Variants in ACTR1A observed in about 807,000 individuals in gnomAD.
ACTR1A encodes the protein alpha-centractin.
A neutral mutation model predicts 50.7 loss-of-function variants in ACTR1A; 10 were observed. That is an observed-to-expected ratio of 0.20 (90% CI 0.12 to 0.33). ACTR1A has a LOEUF of 0.33. Among genes scored for constraint, ACTR1A ranks in the 10% least tolerant of loss-of-function variants. ACTR1A has a pLI of 1.00. For synonymous variants in ACTR1A, 177 were observed against 184.2 expected, an observed-to-expected ratio of 0.96 and a Z score of 0.32; for missense variants, 253 against 491.7, an observed-to-expected ratio of 0.51 and a Z score of 4.59.
chr10:102,488,422 G>T lies in ACTR1A; in HGVS notation c.190-147C>A. ...CCTGCTGTCCTTGCCCAGGGCTAAGGGTGGGCACTCATTCTCCAAGGCTAA... is the reference window on the plus strand; with the variant it reads ...CCTGCTGTCCTTGCCCAGGGCTAAGTGTGGGCACTCATTCTCCAAGGCTAA... On this transcript the variant is annotated intron_variant, in intron 3 of 10. Coordinates refer to ENST00000369905, the MANE Select transcript of ACTR1A (RefSeq NM_005736.4). This position sits in a 1 kb window ranked among gnomAD's most constrained non-coding sequence, Gnocchi z 4.4. 5.2e-6 allele frequency: 6 copies of T among 1,156,782 alleles called. No homozygotes were observed. The highest frequency in any genetic ancestry group is 4.9e-6 in the Non-Finnish European group (4 of 821,406). 71.7% of individuals were successfully genotyped at this position (1,156,782 alleles called of 1,614,324 possible).
In ACTR1A at chr10:102,484,364, G is replaced by A. The variant is rs767221422; in HGVS notation, c.453C>T (p.Gly151=). ...AATCCAGCACCACCCCTGTGGTCCT[G>A]CCTGTAGCGTAACTGAAGCAAAGGG... ...MQAVLSLYAT[G]RTTGVVLDSG... is the part of the protein sequence containing the mutation. Residue 151 remains glycine (G), a synonymous_variant, in exon 6 of 11, where the codon GGC becomes GGT. Transcript: ENST00000369905. 4 of 1,613,710 alleles carry A rather than the reference G, an allele frequency of 2.5e-6. No homozygotes were observed. The highest frequency in any genetic ancestry group is 3.4e-6 in the Non-Finnish European group (4 of 1,179,830).
chr10:102,498,344 G>A lies in ACTR1A; in HGVS notation c.48+4256C>T, dbSNP rs922815116. Among the ~76,000 whole-genome samples the A allele has an allele frequency of 2.1e-4, 31 of 150,342 alleles. 1 individual carries two copies. Among genetic ancestry groups the A allele is most frequent in the African/African-American group, 6.6e-4 (27 of 40,980 alleles). ...TCTCTCTTTTTTTTTTTTTAAAGGGGGCTGAAGCAGCACAACATCCAAAGC... is the reference window on the plus strand; with the variant it reads ...TCTCTCTTTTTTTTTTTTTAAAGGGAGCTGAAGCAGCACAACATCCAAAGC... On this transcript the variant is annotated intron_variant, in intron 1 of 10. Transcript: ENST00000369905.
intron 1 of ACTR1A, among the ~76,000 whole-genome samples, chr10:102,496,577 C>G (rs1589965113): frequency 6.6e-6 from 1 of 152,198 alleles, no homozygotes; most frequent in East Asian, 1.9e-4. Context: ...TAAGTCACCT[C>G]TTCTTCACCT....
rs1157584247 is a variant in ACTR1A, at chr10:102,490,686, C to T, written c.49-73G>A. ...AAAAGGAAAAATACATTATATGGTA[C>T]CATTTTTATTTAAGAAAAGAAAGCG... On this transcript the variant is annotated intron_variant, in intron 1 of 10. Coordinates refer to ENST00000369905, the MANE Select transcript of ACTR1A (RefSeq NM_005736.4). The T allele has an allele frequency of 3.1e-6, 4 of 1,277,940 alleles. No homozygotes were observed. In the South Asian group the frequency reaches 4.9e-5, roughly 16 times the overall value. 79.2% of individuals were successfully genotyped at this position (1,277,940 alleles called of 1,614,324 possible).
chr10:102,490,772 C>T (rs540275249), intron 1 of ACTR1A, among the ~76,000 whole-genome samples, 159 bp from the exon 2 acceptor site: 3 of 152,254 alleles, frequency 2.0e-5, no homozygotes, highest in South Asian at 2.1e-4. Context: ...GCAGGCGGAT[C>T]ACTTGAGGTC....
chr10:102,487,554 AT>A (rs1156967463), intron 4 of ACTR1A, among the ~76,000 whole-genome samples: 1 of 152,040 alleles, frequency 6.6e-6, no homozygotes, highest in Admixed American at 6.6e-5. Flanking sequence ...CAGGCTTTGA[AT>A]TCTAAAAGAC....
intron 1 of ACTR1A, among the ~76,000 whole-genome samples, chr10:102,493,001 CAAAAAAAAAAA>C (rs398014648): frequency 8.2e-5 from 4 of 48,930 alleles, no homozygotes; most frequent in African/African-American, 3.8e-4. Context: ...GACTCCACCT[CAAAAAAAAAAA>C]AAAAAAAAAA....
Position 102,482,816 on chromosome 10 carries a change from T to C in ACTR1A, c.750+195A>G. 4 of 589,016 alleles carry C rather than the reference T, an allele frequency of 6.8e-6. No homozygotes were observed. The highest frequency in any genetic ancestry group is 1.2e-5 in the Non-Finnish European group (4 of 330,724). 36.5% of individuals were successfully genotyped at this position (589,016 alleles called of 1,614,324 possible). ...ATTGCAAAAGAATCTCATAATGTTT[T>C]AAGAAAGTTTACGACTTTGTGTTGG... On this transcript the variant is annotated intron_variant, in intron 7 of 10. Coordinates refer to ENST00000369905, the MANE Select transcript of ACTR1A (RefSeq NM_005736.4). This position sits in a 1 kb window ranked among gnomAD's most constrained non-coding sequence, Gnocchi z 5.6.
intron 4 of ACTR1A, among the ~76,000 whole-genome samples, chr10:102,487,446 G>C (rs911708063): frequency 5.9e-5 from 9 of 151,974 alleles, no homozygotes; most frequent in Admixed American, 5.9e-4. Flanking sequence ...CGGGCATGGT[G>C]GGGGGTGGGG....
At position 102,479,503 on chromosome 10, in the gene ACTR1A, G is replaced by A. The variant is rs941509306; in HGVS notation, c.*1360C>T. 1.6e-5 allele frequency: 11 copies of A among 704,330 alleles called. No homozygotes were observed. The highest frequency in any genetic ancestry group is 3.7e-5 in the African/African-American group (2 of 53,748). The allele number at this position is 704,330 out of a possible 1,614,324, so 43.6% of individuals were successfully genotyped here. On this transcript the variant is annotated 3_prime_UTR_variant, in exon 11 of 11. Coordinates refer to ENST00000369905, the MANE Select transcript of ACTR1A (RefSeq NM_005736.4). This position sits in a 1 kb window ranked among gnomAD's most constrained non-coding sequence, Gnocchi z 4.0. ...TCTTGGTGTCACAGGTGAGGGTGCC[G>A]GTGAAGACAGGCTGGCCCCAGCTTT...
chr10:102,491,803 T>C (rs2062195599), intron 1 of ACTR1A, among the ~76,000 whole-genome samples: 1 of 152,334 alleles, frequency 6.6e-6, no homozygotes, highest in East Asian at 1.9e-4. Context: ...TCTCGCTCTG[T>C]CGCCCAGGCT....
At chr10:102,500,344 CG>C (rs963470493) in intron 1 of ACTR1A, among the ~76,000 whole-genome samples, 7 of 150,774 alleles carry the variant, frequency 4.6e-5, no homozygotes, top group Admixed American at 4.0e-4. Flanking sequence ...CCGAGGTGGG[CG>C]GATCACGAGG....
At chr10:102,483,983 A>G (rs998336106) in intron 6 of ACTR1A, 177 bp downstream of exon 6, 4 of 603,772 alleles carry the variant, frequency 6.6e-6, no homozygotes, top group Non-Finnish European at 1.2e-5. Context: ...AGATGGCAGC[A>G]CGTCAGGAAG....
At chr10:102,485,465 CCT>C (rs1469424081) in intron 5 of ACTR1A, 142 bp downstream of exon 5, 127 of 1,137,644 alleles carry the variant, frequency 1.1e-4, no homozygotes, top group Admixed American at 9.1e-4. Flanking sequence ...TCAGCAAAAG[CCT>C]CTCTCTCTTT....
At chr10:102,501,891 C>T (rs950997354) in intron 1 of ACTR1A, among the ~76,000 whole-genome samples, 1 of 152,226 alleles carries the variant, frequency 6.6e-6, no homozygotes, top group African/African-American at 2.4e-5. Flanking sequence ...TCTCTGCTTC[C>T]TTTGTCACTC....
intron 2 of ACTR1A, 42 bp from the exon 3 acceptor site, chr10:102,489,180 G>T: frequency 6.9e-7 from 1 of 1,456,044 alleles, no homozygotes; most frequent in Non-Finnish European, 9.3e-7. Context: ...TTCATTTCAT[G>T]ACAGAACACA....
At chr10:102,498,101 A>G (rs2062231156) in intron 1 of ACTR1A, among the ~76,000 whole-genome samples, 1 of 152,070 alleles carries the variant, frequency 6.6e-6, no homozygotes, top group Admixed American at 6.6e-5. Flanking sequence ...AAAAAAAAAA[A>G]AAAGATAGGG....
chr10:102,486,925 T>C (rs1371743994), intron 4 of ACTR1A, among the ~76,000 whole-genome samples: 2 of 150,668 alleles, frequency 1.3e-5, no homozygotes, highest in African/African-American at 4.9e-5. Flanking sequence ...TAGCTGGGAC[T>C]ACAGGCACGC....
chr10:102,497,169 A>AG (rs2062226155), intron 1 of ACTR1A, among the ~76,000 whole-genome samples: 1 of 129,064 alleles, frequency 7.7e-6, no homozygotes, highest in Non-Finnish European at 1.7e-5. Flanking sequence ...ACTCCATCTC[A>AG]GGAAAAAAAA....
Sources: allele counts gnomAD v4.1 joint callset (sites outside exome capture counted in the v4.1 genomes callset), GRCh38; gene constraint gnomAD v4.1.1; non-coding constraint Gnocchi (gnomAD v3.1); transcripts MANE v1.5; gene names NCBI Gene and HGNC (gene_info 2026-07-23, HGNC 2026-07-21).